Variants in RAB25 observed in about 807,000 individuals in gnomAD.
RAB25 encodes the protein ras-related protein Rab-25.
In RAB25, 23 loss-of-function variants were observed where a neutral mutation model predicts 25.2. The observed-to-expected ratio is 0.91, with a 90% CI of 0.66 to 1.29. RAB25 has a LOEUF of 1.29. Among genes scored for constraint, RAB25 ranks in the 50% most tolerant of loss-of-function variants. The pLI is 0.00. For synonymous variants in RAB25, 102 were observed against 111.5 expected, an observed-to-expected ratio of 0.91 and a Z score of 0.54; for missense variants, 244 against 277.3, an observed-to-expected ratio of 0.88 and a Z score of 0.85.
In RAB25 at chr1:156,069,022, T is replaced by A. The variant is rs1647832375; in HGVS notation, c.433+559T>A. Among the ~76,000 whole-genome samples the A allele has an allele frequency of 3.9e-5, 6 of 151,912 alleles. No homozygotes were observed. The South Asian group carries it at 1.2e-3, about 32-fold the overall frequency. ...ATTTTAAGGCAGCCCCACCCTGTAA[T>A]GCTCAAAGATCCTATGGAGAGGATA... On this transcript the variant is annotated intron_variant, in intron 3 of 4. Coordinates refer to ENST00000361084, the MANE Select transcript of RAB25 (RefSeq NM_020387.4).
rs2102771435 is a variant in RAB25 at position 156,068,207 on chromosome 1, G to A, written c.240-63G>A. ...CCGGGTGTTCCAGCTTGACGGCTCT[G>A]CTCTGATGCTGGGTCCAATGCCTCT... On this transcript the variant is annotated intron_variant, in intron 2 of 4. Coordinates refer to ENST00000361084, the MANE Select transcript of RAB25 (RefSeq NM_020387.4). 5 of 1,417,154 alleles carry A rather than the reference G, an allele frequency of 3.5e-6. No homozygotes were observed. In the South Asian group the frequency reaches 4.7e-5, roughly 13 times the overall value. The allele number at this position is 1,417,154 out of a possible 1,614,324, so 87.8% of individuals were successfully genotyped here. A position where few individuals can be genotyped will look rare whatever the true frequency, so the allele number is the denominator to read the frequency against.
chr1:156,069,628 C>A lies in RAB25; in HGVS notation c.434-43C>A. 3 of 1,383,452 alleles carry A rather than the reference C, an allele frequency of 2.2e-6. No individual in the cohort carries two copies. In the South Asian group the frequency reaches 3.5e-5, roughly 16 times the overall value. The allele number at this position is 1,383,452 out of a possible 1,614,324, so 85.7% of individuals were successfully genotyped here. A position where few individuals can be genotyped will look rare whatever the true frequency, so the allele number is the denominator to read the frequency against. On this transcript the variant is annotated intron_variant, in intron 3 of 4. Coordinates refer to ENST00000361084, the MANE Select transcript of RAB25 (RefSeq NM_020387.4). ...AACATTAATATTATTATTATTATTG[C>A]CTTTGACTCCCACAATTAATGGTGT...
In RAB25 at chr1:156,070,202, G is replaced by C; in HGVS notation, c.557G>C (p.Arg186Pro). 6.2e-7 allele frequency: 1 copy of C among 1,614,018 alleles called. No homozygotes were observed. Among genetic ancestry groups the C allele is most frequent in the Non-Finnish European group, 8.5e-7 (1 of 1,179,992 alleles). Reference protein sequence around the residue: ...KVSKQRQNSIRTNAITLGSAQ... With the variant: ...KVSKQRQNSIPTNAITLGSAQ... ...TCCAAGCAGAGACAGAACAGCATCC[G>C]GACCAATGCCATCACTCTGGGCAGT... The change falls in exon 5 of 5, where the codon CGG becomes CCG. Residue 186 changes from arginine (R) to proline (P), a missense_variant. Arg to Pro is a moderately radical substitution (Grantham distance 103, BLOSUM62 -2). Transcript: ENST00000361084.
At chr1:156,063,052 TAAAAAAAAAAAA>T (rs1158919173) in intron 1 of RAB25, among the ~76,000 whole-genome samples, 2 of 67,898 alleles carry the variant, frequency 2.9e-5, no homozygotes, top group African/African-American at 1.1e-4. Context: ...AGACTCTGTC[TAAAAAAAAAAAA>T]AAAAAAAAAA....
chr1:156,063,246 G>A (rs1041511359), intron 1 of RAB25, among the ~76,000 whole-genome samples: 2 of 151,520 alleles, frequency 1.3e-5, no homozygotes, highest in African/African-American at 4.8e-5. Flanking sequence ...TCCGCCTCCT[G>A]GGTTCAAGCG....
In RAB25 at chr1:156,068,322, C is replaced by T; in HGVS notation, c.292C>T (p.Gln98Ter). Residue 98 changes from glutamine to a stop codon, truncating the protein, a stop_gained, in exon 3 of 5, where the codon CAG becomes TAG. Transcript: ENST00000361084. LOFTEE classifies it high-confidence loss of function. ...ALLVFDLTKH[Q>*]TYAVVERWLK... is the part of the protein sequence containing the mutation. ...CCTGGTGTTTGACCTAACCAAGCACCAGACCTATGCTGTGGTGGAGCGATG... is the reference window on the plus strand; with the variant it reads ...CCTGGTGTTTGACCTAACCAAGCACTAGACCTATGCTGTGGTGGAGCGATG... 6.2e-7 allele frequency: 1 copy of T among 1,614,094 alleles called. No individual in the cohort carries two copies. Among genetic ancestry groups the T allele is most frequent in the Non-Finnish European group, 8.5e-7 (1 of 1,179,974 alleles).
In RAB25 at chr1:156,061,396, C is replaced by A; in HGVS notation, c.-5C>A. The A allele has an allele frequency of 1.9e-6, 3 of 1,613,986 alleles. No homozygotes were observed. In the South Asian group the frequency reaches 3.3e-5, roughly 18 times the overall value. On this transcript the variant is annotated 5_prime_UTR_variant, in exon 1 of 5. Transcript: ENST00000361084. ...AGACACCTGCACCCTCCATGCGGAG[C>A]CAAGATGGGGAATGGAACTGAGGAA...
Position 156,070,333 on chromosome 1 carries a change from G to A in RAB25, c.*46G>A. Reference sequence around the variant, plus strand: ...CCCCACTGGCTTTTTGGTGCCCCTTGTCCCCACTTCAGCCCCAGGACCTTT... The same window carrying A: ...CCCCACTGGCTTTTTGGTGCCCCTTATCCCCACTTCAGCCCCAGGACCTTT... On this transcript the variant is annotated 3_prime_UTR_variant, in exon 5 of 5. Transcript: ENST00000361084. 1.9e-6 allele frequency: 3 copies of A among 1,600,658 alleles called. No individual in the cohort carries two copies. The highest frequency in any genetic ancestry group is 2.2e-5 in the South Asian group (2 of 89,474).
chr1:156,064,505 C>T (rs564456656), intron 1 of RAB25, among the ~76,000 whole-genome samples: 4 of 151,936 alleles, frequency 2.6e-5, no homozygotes, highest in South Asian at 2.1e-4. Flanking sequence ...TGCAGCACCC[C>T]CAGGGCTCAA....
chr1:156,063,339 G>A (rs923040529), intron 1 of RAB25, among the ~76,000 whole-genome samples: 1 of 152,128 alleles, frequency 6.6e-6, no homozygotes, highest in African/African-American at 2.4e-5. Context: ...TTTTAGTAGA[G>A]ACAGGGTTTC....
chr1:156,067,311 G>A (rs772565441), intron 2 of RAB25, among the ~76,000 whole-genome samples: 8 of 152,160 alleles, frequency 5.3e-5, no homozygotes, highest in Non-Finnish European at 1.0e-4. Context: ...CTGTTTGTGT[G>A]TATATGGGGT....
At position 156,070,145 on chromosome 1, in the gene RAB25, C is replaced by T. The variant is rs1179992491; in HGVS notation, c.515-15C>T. On this transcript the variant is annotated splice_polypyrimidine_tract_variant and intron_variant, in intron 4 of 4. Coordinates refer to ENST00000361084, the MANE Select transcript of RAB25 (RefSeq NM_020387.4). ...CTAAATCTTCTGGCCTGATCACTGC[C>T]CTCTGCCCTCCCAGAAATCTTTGCG... The T allele has an allele frequency of 6.2e-7, 1 of 1,614,076 alleles. No individual in the cohort carries two copies. Among genetic ancestry groups the T allele is most frequent in the Admixed American group, 1.7e-5 (1 of 60,006 alleles).
At chr1:156,067,244 A>AAG (rs974166752) in intron 2 of RAB25, among the ~76,000 whole-genome samples, 5 of 151,640 alleles carry the variant, frequency 3.3e-5, no homozygotes, top group Non-Finnish European at 5.9e-5. Context: ...AAAAAAAAAA[A>AAG]AAAGAAAAAG....
chr1:156,068,409 A>G lies in RAB25; in HGVS notation c.379A>G (p.Ser127Gly). 6.2e-7 allele frequency: 1 copy of G among 1,614,080 alleles called. No individual in the cohort carries two copies. The highest frequency in any genetic ancestry group is 8.5e-7 in the Non-Finnish European group (1 of 1,180,020). The change falls in exon 3 of 5, where the codon AGT becomes GGT. Residue 127 changes from serine (S) to glycine (G), a missense_variant. Transcript: ENST00000361084. ...TIVVMLVGNKSDLSQAREVPT... is the reference protein window; with the variant it reads ...TIVVMLVGNKGDLSQAREVPT... Reference sequence around the variant, plus strand: ...CGTCGTCATGCTCGTGGGTAACAAAAGTGACCTCAGCCAGGCCCGGGAAGT... The same window carrying G: ...CGTCGTCATGCTCGTGGGTAACAAAGGTGACCTCAGCCAGGCCCGGGAAGT...
At chr1:156,063,455 G>GT (rs367564422) in intron 1 of RAB25, among the ~76,000 whole-genome samples, 15 of 152,202 alleles carry the variant, frequency 9.9e-5, no homozygotes, top group African/African-American at 2.9e-4. Context: ...CCAGCTCAAT[G>GT]TTTTTTTACA....
Position 156,070,417 on chromosome 1 carries a change from T to A in RAB25, c.*130T>A. 8.0e-7 allele frequency: 1 copy of A among 1,243,448 alleles called. No individual in the cohort carries two copies. Among genetic ancestry groups the A allele is most frequent in the Non-Finnish European group, 1.1e-6 (1 of 901,362 alleles). The allele number at this position is 1,243,448 out of a possible 1,614,324, so 77.0% of individuals were successfully genotyped here. On this transcript the variant is annotated 3_prime_UTR_variant, in exon 5 of 5. Transcript: ENST00000361084. ...CCTGTTCACAGCACCCTCAGGGTCT[T>A]AAGGTCTTCATGCCCTATCACAAAT... is the stretch of plus-strand genomic sequence containing the variant.
chr1:156,070,444 CCT>C lies in RAB25; in HGVS notation c.*160_*161del, dbSNP rs1432473748. ...AGGTCTTCATGCCCTATCACAAATA[CCT>C]CTTTTATCTGTCCACCCCTCACAGA... is the stretch of plus-strand genomic sequence containing the variant. On this transcript the variant is annotated 3_prime_UTR_variant, in exon 5 of 5. Coordinates refer to ENST00000361084, the MANE Select transcript of RAB25 (RefSeq NM_020387.4). 3 of 931,376 alleles carry C rather than the reference CCT, an allele frequency of 3.2e-6. No individual in the cohort carries two copies. The highest frequency in any genetic ancestry group is 3.4e-5 in the African/African-American group (2 of 59,694). 57.7% of individuals were successfully genotyped at this position (931,376 alleles called of 1,614,324 possible). A position where few individuals can be genotyped will look rare whatever the true frequency, so the allele number is the denominator to read the frequency against.
chr1:156,069,528 AC>A, intron 3 of RAB25, 142 bp from the exon 4 acceptor site: 1 of 691,214 alleles, frequency 1.4e-6, no homozygotes, highest in South Asian at 1.8e-5. Context: ...AAATGAACCT[AC>A]CTTGTAAGTT....
intron 2 of RAB25, 182 bp from the exon 3 acceptor site, chr1:156,068,088 G>A (rs533088686): frequency 9.8e-5 from 54 of 553,324 alleles, no homozygotes; most frequent in African/African-American, 3.2e-4. Context: ...CAAGACTAGT[G>A]TCCCTGGAAG....
Sources: allele counts gnomAD v4.1 joint callset (sites outside exome capture counted in the v4.1 genomes callset), GRCh38; gene constraint gnomAD v4.1.1; transcripts MANE v1.5; gene names NCBI Gene and HGNC (gene_info 2026-07-23, HGNC 2026-07-21).